Variants in FAAH2 observed in about 807,000 individuals in gnomAD.
FAAH2 encodes the protein fatty acid amide hydrolase 2.
Under a neutral mutation model 36.9 loss-of-function variants are expected in FAAH2, and 60 were observed. The ratio of observed to expected loss-of-function variants is 1.63; its 90% CI spans 1.32 to 2.02. The LOEUF (loss-of-function observed/expected upper bound fraction) is 2.02, where lower values mean the gene tolerates loss of function less well. Among genes scored for constraint, FAAH2 ranks in the 30% most tolerant of loss-of-function variants. The pLI, the probability that FAAH2 is intolerant of heterozygous loss-of-function variation, is 0.00. For missense variants in FAAH2, 689 were observed against 397.5 expected (o/e 1.73, Z -6.23); for synonymous variants, 214 against 143.8 (o/e 1.49, Z -3.49).
the FAAH2 span, among the ~76,000 whole-genome samples, chrX:57,159,061 T>C: frequency 1.8e-5 from 2 of 112,546 alleles, no homozygotes; most frequent in Non-Finnish European, 3.7e-5. Flanking sequence ...TACATATGGC[T>C]AGCCAGTTTT....
the FAAH2 span, among the ~76,000 whole-genome samples, chrX:57,270,678 G>A: frequency 8.9e-6 from 1 of 111,813 alleles, no homozygotes; most frequent in East Asian, 2.8e-4. Flanking sequence ...GCAGCCCACG[G>A]AGGGTGAGCT....
At chrX:57,300,813 C>G (rs1285701864) in intron 2 of FAAH2, among the ~76,000 whole-genome samples, 2 of 112,047 alleles carry the variant, frequency 1.8e-5, no homozygotes, top group African/African-American at 6.5e-5. Flanking sequence ...TGTGAACAGA[C>G]ACTTCTCAAA....
At chrX:57,183,112 C>T in the FAAH2 span, among the ~76,000 whole-genome samples, 12 of 110,945 alleles carry the variant, frequency 1.1e-4, no homozygotes, top group Non-Finnish European at 1.7e-4. Context: ...TTTTGAGTTA[C>T]AAGGCTTCGT....
At chrX:57,270,656 T>C in the FAAH2 span, among the ~76,000 whole-genome samples, 1 of 111,798 alleles carries the variant, frequency 8.9e-6, no homozygotes, top group Non-Finnish European at 1.9e-5. Context: ...TGGGACTGGT[T>C]GCACAGTGGG....
At chrX:57,416,913 G>A (rs1044367168) in intron 7 of FAAH2, among the ~76,000 whole-genome samples, 2 of 111,893 alleles carry the variant, frequency 1.8e-5, no homozygotes, top group Non-Finnish European at 1.9e-5. Flanking sequence ...ATTTCTTGGA[G>A]ACTTTGTTTG....
chrX:57,161,815 A>G, the FAAH2 span, among the ~76,000 whole-genome samples: 4 of 111,471 alleles, frequency 3.6e-5, no homozygotes, highest in African/African-American at 1.3e-4. Context: ...TCTTTATCCA[A>G]TTTGCCAGTC....
chrX:57,217,574 C>T, the FAAH2 span, among the ~76,000 whole-genome samples: 3 of 111,548 alleles, frequency 2.7e-5, no homozygotes, highest in East Asian at 2.8e-4. Flanking sequence ...TTTGCTTTGT[C>T]GAACATCAGT....
At chrX:57,428,843 A>G (rs1296746381) in intron 7 of FAAH2, among the ~76,000 whole-genome samples, 1 of 112,360 alleles carries the variant, frequency 8.9e-6, no homozygotes, top group Non-Finnish European at 1.9e-5. Context: ...CATCATGACA[A>G]AGACCTTAAA....
the FAAH2 span, among the ~76,000 whole-genome samples, chrX:57,274,285 A>C: frequency 8.9e-6 from 1 of 111,990 alleles, no homozygotes; most frequent in South Asian, 3.7e-4. Context: ...ACTAACCAAA[A>C]AAGTCCAGGA....
chrX:57,331,126 C>T (rs2053393083), intron 3 of FAAH2, among the ~76,000 whole-genome samples: 1 of 111,876 alleles, frequency 8.9e-6, no homozygotes, highest in Non-Finnish European at 1.9e-5. Flanking sequence ...CCTTGTTGTG[C>T]TCCTCCAGAT....
chrX:57,237,043 G>C, the FAAH2 span, among the ~76,000 whole-genome samples: 3 of 111,673 alleles, frequency 2.7e-5, no homozygotes, highest in Admixed American at 9.6e-5. Flanking sequence ...TGCAGTTAAA[G>C]ATAAGGGTCT....
chrX:57,137,145 G>T, the FAAH2 span: 1 of 762,155 alleles, frequency 1.3e-6, no homozygotes. Context: ...TCCACCCCAT[G>T]TCTCCTGCTG....
intron 3 of FAAH2, among the ~76,000 whole-genome samples, chrX:57,323,850 TC>T (rs1569258998): frequency 1.8e-5 from 2 of 111,164 alleles, no homozygotes; most frequent in Non-Finnish European, 3.8e-5. Flanking sequence ...TTTGATTAGA[TC>T]CCATTTGTCA....
chrX:57,207,304 A>G, the FAAH2 span, among the ~76,000 whole-genome samples: 7 of 111,461 alleles, frequency 6.3e-5, no homozygotes, highest in South Asian at 3.8e-4. Context: ...GCCCTTCACA[A>G]TGAAAAATAT....
rs1050052555 is a variant in FAAH2, at chrX:57,295,004, T to C, written c.275+2424T>C. ...GAAACAGCAAACTGAGGGAACACCC[T>C]AGGTATGAGGGAACAAAGGGAAGAA... On this transcript the variant is annotated intron_variant, in intron 2 of 10. Transcript: ENST00000374900. Among the ~76,000 whole-genome samples the C allele has an allele frequency of 3.6e-5, 4 of 111,881 alleles. No homozygotes were observed. The Admixed American group carries it at 3.8e-4, about 11-fold the overall frequency.
chrX:57,487,590 C>T (rs971266774), intron 10 of FAAH2, among the ~76,000 whole-genome samples: 2 of 112,064 alleles, frequency 1.8e-5, no homozygotes, highest in African/African-American at 6.5e-5. Context: ...AATGCACATT[C>T]ACTAAAATAG....
chrX:57,395,689 A>G (rs2055277449), intron 7 of FAAH2, among the ~76,000 whole-genome samples: 1 of 111,518 alleles, frequency 9.0e-6, no homozygotes, highest in Admixed American at 9.6e-5. Flanking sequence ...GCATATGTTG[A>G]ACCATCCTTG....
chrX:57,151,435 T>C, the FAAH2 span, among the ~76,000 whole-genome samples: 1 of 111,872 alleles, frequency 8.9e-6, no homozygotes, highest in East Asian at 2.8e-4. Context: ...CATAGTCCCA[T>C]ATTTCTTGGA....
intron 2 of FAAH2, among the ~76,000 whole-genome samples, chrX:57,300,945 T>G (rs1003254669): frequency 1.2e-4 from 13 of 111,776 alleles, no homozygotes; most frequent in African/African-American, 3.9e-4. Flanking sequence ...TGGTGATCAT[T>G]AAGAAGTCAG....
Sources: allele counts gnomAD v4.1 joint callset (sites outside exome capture counted in the v4.1 genomes callset), GRCh38; gene constraint gnomAD v4.1.1; transcripts MANE v1.5; gene names NCBI Gene and HGNC (gene_info 2026-07-23, HGNC 2026-07-21).